FABP6: variants seen among roughly 807,000 people sequenced by gnomAD.
The protein encoded by FABP6 is gastrotropin.
In FABP6, 13 loss-of-function variants were observed where a neutral mutation model predicts 14.9. The observed-to-expected ratio is 0.87, with a 90% CI of 0.57 to 1.39. The LOEUF (loss-of-function observed/expected upper bound fraction) is 1.39. Ranked by LOEUF, FABP6 falls within the 40% of genes most tolerant of loss-of-function variation. The probability of loss-of-function intolerance (pLI) is 0.00; values close to 1 mark genes in which losing one functional copy is unlikely to be tolerated. For synonymous variants in FABP6, 75 were observed against 63.6 expected (o/e 1.18, Z -0.85); for missense variants, 161 against 167.2 (o/e 0.96, Z 0.20).
intron 1 of FABP6, among the ~76,000 whole-genome samples, chr5:160,188,618 G>C (rs1166644936): frequency 6.6e-6 from 1 of 152,176 alleles, no homozygotes; most frequent in Non-Finnish European, 1.5e-5. Context: ...GCCCGGAGGT[G>C]TCGCCCCTGG....
intron 3 of FABP6, among the ~76,000 whole-genome samples, chr5:160,220,991 A>C (rs1760117602): frequency 6.6e-6 from 1 of 150,684 alleles, no homozygotes. Context: ...TGGGAGGCTA[A>C]GGCAGGAGAG....
At chr5:160,220,244 A>G (rs984079448) in intron 3 of FABP6, among the ~76,000 whole-genome samples, 6 of 152,224 alleles carry the variant, frequency 3.9e-5, no homozygotes, top group African/African-American at 1.4e-4. Flanking sequence ...TAGATCCTGT[A>G]CTAAGCACTT....
upstream of FABP6, among the ~76,000 whole-genome samples, chr5:160,228,194 C>A (rs528474920): frequency 2.4e-4 from 37 of 152,090 alleles, no homozygotes; most frequent in Admixed American, 1.7e-3. Context: ...GAGTTTGAGA[C>A]CAGCCTAAGC....
intron 2 of FABP6, among the ~76,000 whole-genome samples, chr5:160,207,844 C>T (rs548767396): frequency 6.6e-6 from 1 of 152,022 alleles, no homozygotes; most frequent in East Asian, 1.9e-4. Flanking sequence ...CTGCCTCAGC[C>T]TCCCCAGTAG....
chr5:160,223,194 A>G (rs1031377489), intron 3 of FABP6, among the ~76,000 whole-genome samples: 3 of 152,130 alleles, frequency 2.0e-5, no homozygotes, highest in Non-Finnish European at 4.4e-5. Flanking sequence ...TCTGGGCCAC[A>G]TTTTGGTAAT....
At chr5:160,193,690 C>A (rs1317330683) in intron 1 of FABP6, among the ~76,000 whole-genome samples, 2 of 152,296 alleles carry the variant, frequency 1.3e-5, no homozygotes, top group South Asian at 4.1e-4. Context: ...ACTCACAAAC[C>A]CTGAGCTAGA....
upstream of FABP6, among the ~76,000 whole-genome samples, chr5:160,226,388 C>T (rs540858402): frequency 9.2e-5 from 14 of 151,716 alleles, no homozygotes; most frequent in Admixed American, 3.3e-4. Context: ...TGGAAAACCC[C>T]GTCTCTACTA....
At position 160,234,803 on chromosome 5, in the gene FABP6, T is replaced by C. The variant is rs1412482543; in HGVS notation, c.244-17T>C. 8 of 1,592,422 alleles carry C rather than the reference T, an allele frequency of 5.0e-6. No individual in the cohort carries two copies. The highest frequency in any genetic ancestry group is 2.7e-5 in the African/African-American group (2 of 74,294). On this transcript the variant is annotated splice_polypyrimidine_tract_variant and intron_variant, in intron 2 of 3. Transcript: ENST00000402432. ...CACCTGCAACAACCCAGGCTTAATG[T>C]TGTGCTTCCATTCCAGGCCACTGTG...
intron 3 of FABP6, among the ~76,000 whole-genome samples, chr5:160,223,387 CTCCT>C (rs144081714): frequency 0.044 from 4,610 of 105,596 alleles, 347 homozygotes; most frequent in African/African-American, 0.15. Flanking sequence ...CCCTCCCTCT[CTCCT>C]TCCTTCCTTC....
intron 1 of FABP6, among the ~76,000 whole-genome samples, chr5:160,193,149 T>C (rs1013787030): frequency 2.0e-5 from 3 of 152,130 alleles, no homozygotes; most frequent in South Asian, 2.1e-4. Context: ...CTGGAGTTTG[T>C]TCCTTCTGAT....
At chr5:160,209,055 C>T (rs950648489) in intron 2 of FABP6, among the ~76,000 whole-genome samples, 1 of 149,852 alleles carries the variant, frequency 6.7e-6, no homozygotes, top group Non-Finnish European at 1.5e-5. Context: ...CGATTACAGG[C>T]GTGAGCCACT....
At chr5:160,208,726 A>C (rs1214469226) in intron 2 of FABP6, among the ~76,000 whole-genome samples, 2 of 152,046 alleles carry the variant, frequency 1.3e-5, no homozygotes, top group Non-Finnish European at 2.9e-5. Flanking sequence ...CCAGGCATGC[A>C]AGACAAACCT....
At chr5:160,198,708 C>A (rs1014428621) in intron 1 of FABP6, 1 of 186,860 alleles carries the variant, frequency 5.4e-6, no homozygotes, top group Admixed American at 5.6e-5. Flanking sequence ...CCAACTGAGG[C>A]GTTATCTGAA....
chr5:160,228,456 A>G (rs557237460), upstream of FABP6: 5 of 456,288 alleles, frequency 1.1e-5, no homozygotes, highest in East Asian at 3.5e-4. Flanking sequence ...TTGCACTGTC[A>G]ATTTTGCCCA....
chr5:160,207,460 A>G (rs913722611), intron 2 of FABP6, among the ~76,000 whole-genome samples: 5 of 152,286 alleles, frequency 3.3e-5, no homozygotes, highest in South Asian at 2.1e-4. Context: ...TCTTTTTTAT[A>G]ACAGAGAGGA....
At chr5:160,237,198 G>A (rs1002425374) in intron 3 of FABP6, among the ~76,000 whole-genome samples, 1 of 152,026 alleles carries the variant, frequency 6.6e-6, no homozygotes, top group African/African-American at 2.4e-5. Flanking sequence ...GAAGAGCATA[G>A]GGCAGGAGAA....
At chr5:160,219,329 A>G (rs1037940116) in intron 3 of FABP6, among the ~76,000 whole-genome samples, 2 of 152,170 alleles carry the variant, frequency 1.3e-5, no homozygotes, top group Admixed American at 6.5e-5. Context: ...TCAGGTGGAA[A>G]GCTGGGGTGG....
intron 3 of FABP6, among the ~76,000 whole-genome samples, chr5:160,235,263 A>T (rs1274562750): frequency 6.6e-6 from 1 of 152,172 alleles, no homozygotes; most frequent in Non-Finnish European, 1.5e-5. Flanking sequence ...ATATAAATAA[A>T]GGAGGTGGTC....
At chr5:160,194,530 G>A (rs975261243) in intron 1 of FABP6, among the ~76,000 whole-genome samples, 2 of 152,062 alleles carry the variant, frequency 1.3e-5, no homozygotes, top group African/African-American at 4.8e-5. Flanking sequence ...AATGGAGCAA[G>A]ACCCGGTCTC....
Sources: gnomAD v4.1 joint callset for allele counts (sites outside exome capture counted in the v4.1 genomes callset) on GRCh38, gnomAD v4.1.1 for gene constraint, MANE v1.5 for transcripts, NCBI Gene and HGNC (gene_info 2026-07-23, HGNC 2026-07-21) for gene names.